The following PLPPR1 variants were observed in gnomAD, a reference collection of about 807,000 sequenced individuals.
PLPPR1 encodes phospholipid phosphatase related 1, also known as phospholipid phosphatase-related protein type 1.
A neutral mutation model predicts 33.1 loss-of-function variants in PLPPR1; 10 were observed. The observed-to-expected ratio is 0.30, with a 90% CI of 0.19 to 0.51. PLPPR1 has a LOEUF of 0.51. PLPPR1 is among the 20% of genes least tolerant of loss of function. The pLI is 0.97. For synonymous variants in PLPPR1, 151 were observed against 151.0 expected, an observed-to-expected ratio of 1.00 and a Z score of 0.00; for missense variants, 304 against 408.1, an observed-to-expected ratio of 0.74 and a Z score of 2.20.
At chr9:101,064,148 T>A (rs998937379) in intron 1 of PLPPR1, among the ~76,000 whole-genome samples, 1 of 152,130 alleles carries the variant, frequency 6.6e-6, no homozygotes, top group African/African-American at 2.4e-5. Context: ...GTACTGACAC[T>A]TTATATTAAT....
chr9:101,086,017 AGTTCCCTT>A (rs1255802549), intron 1 of PLPPR1, among the ~76,000 whole-genome samples: 3 of 152,224 alleles, frequency 2.0e-5, no homozygotes, highest in Admixed American at 6.5e-5. Flanking sequence ...AGGTTGAGGA[AGTTCCCTT>A]CTATTCCTAG....
intron 7 of PLPPR1, among the ~76,000 whole-genome samples, chr9:101,322,246 C>CAATAATAAT (rs1023397650): frequency 8.9e-6 from 1 of 111,924 alleles, no homozygotes; most frequent in Non-Finnish European, 1.9e-5. Flanking sequence ...ATCAGGAAAG[C>CAATAATAAT]AATAATAATA....
chr9:101,128,569 C>T (rs182813636), intron 1 of PLPPR1, among the ~76,000 whole-genome samples: 25 of 152,208 alleles, frequency 1.6e-4, no homozygotes, highest in Admixed American at 1.4e-3. Context: ...GGTACTCAGC[C>T]GAGTGCAGGT....
intron 1 of PLPPR1, among the ~76,000 whole-genome samples, chr9:101,056,088 T>C (rs937743621): frequency 1.3e-5 from 2 of 152,232 alleles, no homozygotes; most frequent in Non-Finnish European, 2.9e-5. Flanking sequence ...TTATTAATCC[T>C]TTGGTATTCT....
rs181051103 is a variant in PLPPR1, at chr9:101,185,799, A to G, written c.63+242A>G. Among the ~76,000 whole-genome samples, 727 of 151,968 alleles carry G rather than the reference A, an allele frequency of 4.8e-3. 2 individuals carry two copies. The highest frequency in any genetic ancestry group is 8.3e-3 in the Non-Finnish European group (560 of 67,850). On this transcript the variant is annotated intron_variant, in intron 2 of 7. Transcript: ENST00000374874. ...ATCCAAATTAATATATCCAAGAAAT[A>G]TAATAAAATGAATATTGTGTTTTAT...
intron 3 of PLPPR1, among the ~76,000 whole-genome samples, chr9:101,281,118 A>G (rs915780409): frequency 3.3e-5 from 5 of 152,116 alleles, no homozygotes; most frequent in African/African-American, 7.2e-5. Context: ...TAGCATTTCT[A>G]TATGCCAACA....
intron 4 of PLPPR1, among the ~76,000 whole-genome samples, chr9:101,294,134 C>T (rs2118929165): frequency 6.6e-6 from 1 of 152,120 alleles, no homozygotes; most frequent in South Asian, 2.1e-4. Context: ...CCACCGATCC[C>T]ACAGAAATAC....
At chr9:101,114,219 T>C (rs1211172606) in intron 1 of PLPPR1, among the ~76,000 whole-genome samples, 1 of 152,232 alleles carries the variant, frequency 6.6e-6, no homozygotes, top group African/African-American at 2.4e-5. Context: ...ACTGCTTTAA[T>C]GTATCATTTC....
At chr9:101,267,178 CAA>C (rs1828013535) in intron 2 of PLPPR1, among the ~76,000 whole-genome samples, 1 of 152,194 alleles carries the variant, frequency 6.6e-6, no homozygotes, top group Non-Finnish European at 1.5e-5. Context: ...TTCAAAACAT[CAA>C]GTCAACTGGC....
chr9:101,205,603 A>G (rs2118756699), intron 2 of PLPPR1, among the ~76,000 whole-genome samples: 1 of 152,342 alleles, frequency 6.6e-6, no homozygotes, highest in East Asian at 1.9e-4. Flanking sequence ...TAAAGTTTAC[A>G]TTGACAAATT....
chr9:101,067,881 C>G (rs904327405), intron 1 of PLPPR1, among the ~76,000 whole-genome samples: 1 of 152,080 alleles, frequency 6.6e-6, no homozygotes, highest in Non-Finnish European at 1.5e-5. Context: ...GAGTAGTTTC[C>G]TTAACCTTCC....
intron 1 of PLPPR1, among the ~76,000 whole-genome samples, chr9:101,099,099 G>T (rs1272818514): frequency 6.6e-6 from 1 of 151,596 alleles, no homozygotes; most frequent in Non-Finnish European, 1.5e-5. Context: ...TGTGGTGTGT[G>T]TGTGTCGGGG....
At chr9:101,302,269 T>C (rs1038357044) in intron 4 of PLPPR1, among the ~76,000 whole-genome samples, 8 of 152,236 alleles carry the variant, frequency 5.3e-5, no homozygotes, top group African/African-American at 1.7e-4. Context: ...TTAGCTATTG[T>C]TATTATTACC....
At chr9:101,202,124 T>G (rs1460663619) in intron 2 of PLPPR1, among the ~76,000 whole-genome samples, 1 of 152,176 alleles carries the variant, frequency 6.6e-6, no homozygotes, top group East Asian at 1.9e-4. Context: ...TGCATGAAAT[T>G]TTTCCCTTTG....
chr9:101,302,557 G>GT (rs1415128595), intron 4 of PLPPR1, among the ~76,000 whole-genome samples: 1 of 152,176 alleles, frequency 6.6e-6, no homozygotes, highest in African/African-American at 2.4e-5. Flanking sequence ...AAAAGCAAAA[G>GT]TAAACTGTAT....
chr9:101,312,212 A>G (rs928557898), intron 5 of PLPPR1, among the ~76,000 whole-genome samples: 1 of 152,266 alleles, frequency 6.6e-6, no homozygotes, highest in African/African-American at 2.4e-5. Flanking sequence ...TTACTAGCAC[A>G]GCTGAAACCT....
At chr9:101,055,682 T>C (rs1043487684) in intron 1 of PLPPR1, among the ~76,000 whole-genome samples, 7 of 152,204 alleles carry the variant, frequency 4.6e-5, no homozygotes, top group Admixed American at 3.9e-4. Flanking sequence ...TATGTCATAA[T>C]CCAATTTGAT....
intron 2 of PLPPR1, among the ~76,000 whole-genome samples, chr9:101,221,873 A>T (rs758901187): frequency 6.6e-5 from 10 of 152,202 alleles, no homozygotes; most frequent in Non-Finnish European, 1.0e-4. Flanking sequence ...ATAAGACAGA[A>T]CTCAAAGCCT....
chr9:101,220,883 G>C (rs1478502176), intron 2 of PLPPR1, among the ~76,000 whole-genome samples: 1 of 152,160 alleles, frequency 6.6e-6, no homozygotes, highest in Non-Finnish European at 1.5e-5. Flanking sequence ...CCCATCAAAC[G>C]ATATAGCCAA....
Sources: gnomAD v4.1 joint callset for allele counts (sites outside exome capture counted in the v4.1 genomes callset) on GRCh38, gnomAD v4.1.1 for gene constraint, MANE v1.5 for transcripts, NCBI Gene and HGNC (gene_info 2026-07-23, HGNC 2026-07-21) for gene names.